Variants in SPG7 observed in about 807,000 individuals in gnomAD.
SPG7 encodes the protein mitochondrial inner membrane m-AAA protease component paraplegin.
A neutral mutation model predicts 81.9 loss-of-function variants in SPG7; 103 were observed. That is an observed-to-expected ratio of 1.26 (90% CI 1.07 to 1.48). The LOEUF (loss-of-function observed/expected upper bound fraction) is 1.48. SPG7 is among the 40% of genes most tolerant of loss of function. The pLI, the probability that SPG7 is intolerant of heterozygous loss-of-function variation, is 0.00. For synonymous variants in SPG7, 534 were observed against 444.2 expected, an observed-to-expected ratio of 1.20 and a Z score of -2.54; for missense variants, 1,241 against 1,087.3, an observed-to-expected ratio of 1.14 and a Z score of -1.99.
At chr16:89,544,257 A>T (rs2058535446) in intron 9 of SPG7, 2 of 304,876 alleles carry the variant, frequency 6.6e-6, no homozygotes, top group Non-Finnish European at 1.3e-5. Context: ...TTTCCAAGTC[A>T]CAGCCTAAAG....
At chr16:89,555,312 C>G (rs886878749) in intron 16 of SPG7, 9 of 152,494 alleles carry the variant, frequency 5.9e-5, no homozygotes, top group African/African-American at 1.9e-4. Context: ...AACTCCTGAC[C>G]TCAGGTGATC....
rs536047931 is a variant in SPG7, at chr16:89,513,032, A to G, written c.371A>G (p.Asp124Gly). The G allele has an allele frequency of 7.5e-6, 12 of 1,607,172 alleles. No homozygotes were observed. In the South Asian group the frequency reaches 1.3e-4, roughly 18 times the overall value. ...DKSKGKAPEE[D>G]EEERRRRERD... ...TCGAAGGGGAAGGCGCCTGAAGAGG[A>G]CGAAGGTATATTCATCTGATGTTCT... The change falls in exon 3 of 17, where the codon GAC (aspartate) becomes GGC (glycine). Residue 124 changes from aspartate (D) to glycine (G), a missense_variant. By Grantham distance (94) the Asp-to-Gly change is moderately conservative. Transcript: ENST00000645818.
At chr16:89,530,528 C>A in intron 6 of SPG7, 155 bp from the exon 7 acceptor site, 1 of 819,652 alleles carries the variant, frequency 1.2e-6, no homozygotes, top group Non-Finnish European at 2.2e-6. Flanking sequence ...TGAAGACTGA[C>A]TGTGAGCCTC....
chr16:89,548,955 C>G, intron 12 of SPG7: 1 of 454,610 alleles, frequency 2.2e-6, no homozygotes, highest in Non-Finnish European at 4.4e-6. Context: ...CGAGTGAATT[C>G]CTAGCACGAA....
chr16:89,515,184 C>G (rs2058079717), intron 3 of SPG7, among the ~76,000 whole-genome samples: 1 of 151,858 alleles, frequency 6.6e-6, no homozygotes, highest in South Asian at 2.1e-4. Context: ...GATCTGCGTG[C>G]CTCAGCCTCC....
At position 89,548,034 on chromosome 16, in the gene SPG7, T is replaced by C. The variant is rs777061429; in HGVS notation, c.1584T>C (p.Ala528=). The C allele has an allele frequency of 6.8e-6, 11 of 1,612,648 alleles. No individual in the cohort carries two copies. The South Asian group carries it at 1.2e-4, about 18-fold the overall frequency. Residue 528 remains alanine, a synonymous_variant, in exon 12 of 17, where the codon GCT becomes GCC. Coordinates refer to ENST00000645818, the MANE Select transcript of SPG7 (RefSeq NM_003119.4). ...ACATCGCCAACATCTGCAATGAGGCTGCGCTGCACGCGGCGCGGGAGGGAC... is the reference window on the plus strand; with the variant it reads ...ACATCGCCAACATCTGCAATGAGGCCGCGCTGCACGCGGCGCGGGAGGGAC... The part of the protein sequence containing the change: ...GADIANICNE[A]ALHAAREGHT...
intron 9 of SPG7, chr16:89,536,769 C>T (rs2058430351): frequency 6.2e-7 from 1 of 1,614,020 alleles, no homozygotes; most frequent in Non-Finnish European, 8.5e-7. Context: ...AACCAGGTGC[C>T]TCTCTTGACC....
At chr16:89,534,125 C>G (rs567591233) in intron 9 of SPG7, among the ~76,000 whole-genome samples, 4 of 152,358 alleles carry the variant, frequency 2.6e-5, no homozygotes, top group African/African-American at 9.6e-5. Flanking sequence ...CCAGAACTTT[C>G]TCTTCAAACC....
chr16:89,543,710 G>T (rs1054069493), intron 9 of SPG7: 8 of 147,608 alleles, frequency 5.4e-5, no homozygotes, highest in African/African-American at 2.0e-4. Flanking sequence ...CTGGAGTGCA[G>T]TGGTGTCATC....
chr16:89,521,040 T>G (rs531883411), intron 3 of SPG7: 1 of 152,416 alleles, frequency 6.6e-6, no homozygotes, highest in Admixed American at 6.5e-5. Context: ...CTCTAGGTCA[T>G]CCACCTGCGT....
chr16:89,530,298 C>T (rs1364529788), intron 6 of SPG7: 3 of 345,180 alleles, frequency 8.7e-6, no homozygotes, highest in Non-Finnish European at 1.7e-5. Context: ...GTGCCTGCCA[C>T]CACACCCAGC....
chr16:89,555,624 T>A, intron 16 of SPG7: 2 of 362,218 alleles, frequency 5.5e-6, no homozygotes, highest in Non-Finnish European at 9.8e-6. Context: ...TGACAGTTCC[T>A]CAGACCTCCC....
rs1189787304 is a variant in SPG7 at position 89,554,490 on chromosome 16, C to T, written c.2108C>T (p.Ala703Val). 4 of 1,607,816 alleles carry T rather than the reference C, an allele frequency of 2.5e-6. No individual in the cohort carries two copies. Among genetic ancestry groups the T allele is most frequent in the Non-Finnish European group, 3.4e-6 (4 of 1,178,962 alleles). Reference protein sequence around the residue: ...QGLQQMMDHEARLLVAKAYRH... With the variant: ...QGLQQMMDHEVRLLVAKAYRH... ...CACAGTTCCCTCCACTCACAGGAAG[C>T]AAGACTGCTGGTGGCCAAGGCCTAC... is the stretch of plus-strand genomic sequence containing the variant. Residue 703 changes from alanine (A) to valine (V), a missense_variant, in exon 16 of 17, where the codon GCA becomes GTA. Ala to Val is a moderately conservative substitution (Grantham distance 64). Transcript: ENST00000645818.
intron 12 of SPG7, 43 bp downstream of exon 12, chr16:89,548,156 C>G (rs1170707050): frequency 1.5e-6 from 2 of 1,373,122 alleles, no homozygotes; most frequent in African/African-American, 1.4e-5. Flanking sequence ...CTTAGCAGGG[C>G]TTGAACCCCA....
At position 89,553,174 on chromosome 16, in the gene SPG7, G is replaced by T. The variant is rs763885419; in HGVS notation, c.1936+39G>T. ...GCGCGGGCCCTGGAGGTTTCAGAGC[G>T]CTTTTCCCTGCATGACTCCTTCTGT... On this transcript the variant is annotated intron_variant, in intron 14 of 16. Coordinates refer to ENST00000645818, the MANE Select transcript of SPG7 (RefSeq NM_003119.4). The T allele has an allele frequency of 3.9e-6, 6 of 1,557,912 alleles. No individual in the cohort carries two copies. In the East Asian group the frequency reaches 1.4e-4, roughly 37 times the overall value.
At chr16:89,520,713 T>TGG (rs1315270110) in intron 3 of SPG7, 2 of 152,192 alleles carry the variant, frequency 1.3e-5, no homozygotes, top group Non-Finnish European at 2.9e-5. Flanking sequence ...ACGTTGTGTT[T>TGG]TTTTTTTCCC....
chr16:89,547,861 C>T (rs1259294218), intron 11 of SPG7, 142 bp from the exon 12 acceptor site: 7 of 731,306 alleles, frequency 9.6e-6, no homozygotes, highest in African/African-American at 8.6e-5. Context: ...GATCTGCCCA[C>T]CTCAGCCTCC....
chr16:89,549,226 A>G (rs1370295150), intron 12 of SPG7: 1 of 456,932 alleles, frequency 2.2e-6, no homozygotes, highest in Non-Finnish European at 4.4e-6. Flanking sequence ...GCCAGTTGAA[A>G]GAAAATACAT....
intron 14 of SPG7, 176 bp downstream of exon 14, chr16:89,553,311 T>C (rs541562849): frequency 4.2e-6 from 3 of 715,086 alleles, no homozygotes; most frequent in African/African-American, 3.5e-5. Context: ...CAAGACTTCT[T>C]AGATAATTTA....
Sources: allele counts gnomAD v4.1 joint callset (sites outside exome capture counted in the v4.1 genomes callset), GRCh38; gene constraint gnomAD v4.1.1; transcripts MANE v1.5; gene names NCBI Gene and HGNC (gene_info 2026-07-23, HGNC 2026-07-21).